SLC39A10: variants seen among roughly 807,000 people sequenced by gnomAD.
SLC39A10 encodes solute carrier family 39 member 10.
A neutral mutation model predicts 65.1 loss-of-function variants in SLC39A10; 13 were observed. The observed-to-expected ratio is 0.20, with a 90% CI of 0.13 to 0.32. The LOEUF is 0.32. Ranked by LOEUF, SLC39A10 falls within the 10% of genes least tolerant of loss-of-function variation. The pLI is 1.00. For synonymous variants in SLC39A10, 321 were observed against 342.2 expected, an observed-to-expected ratio of 0.94 and a Z score of 0.68; for missense variants, 831 against 1,018.4, an observed-to-expected ratio of 0.82 and a Z score of 2.50.
chr2:195,711,184 T>G (rs1691591323), intron 5 of SLC39A10, among the ~76,000 whole-genome samples: 1 of 152,232 alleles, frequency 6.6e-6, no homozygotes, highest in South Asian at 2.1e-4. Flanking sequence ...ATCTAAGATC[T>G]GAAATGCTCC....
intron 9 of SLC39A10, among the ~76,000 whole-genome samples, chr2:195,733,668 T>C (rs1437728349): frequency 2.0e-5 from 3 of 151,812 alleles, no homozygotes; most frequent in Non-Finnish European, 4.4e-5. Flanking sequence ...GTAGCTGGGA[T>C]TACAGGCATG....
rs1350735005 is a variant in SLC39A10, at chr2:195,683,591, G to A, written c.1009-108G>A. The A allele has an allele frequency of 6.2e-6, 5 of 810,172 alleles. No individual in the cohort carries two copies. In the African/African-American group the frequency reaches 7.0e-5, roughly 11 times the overall value. 50.2% of individuals were successfully genotyped at this position (810,172 alleles called of 1,614,324 possible). On this transcript the variant is annotated intron_variant, in intron 2 of 9. Transcript: ENST00000359634. ...TTGTAATAGATATCTATGTATTACA[G>A]ATTATTTGCAAGTAATATTTAGAGT...
intron 2 of SLC39A10, among the ~76,000 whole-genome samples, chr2:195,627,366 A>G (rs1204281038): frequency 6.6e-6 from 1 of 152,218 alleles, no homozygotes; most frequent in Non-Finnish European, 1.5e-5. Context: ...TTAAAATGGA[A>G]TAAGCTATGA....
At chr2:195,691,880 A>G (rs1690753662) in intron 3 of SLC39A10, among the ~76,000 whole-genome samples, 1 of 152,176 alleles carries the variant, frequency 6.6e-6, no homozygotes, top group Non-Finnish European at 1.5e-5. Context: ...ATTAAGTCCC[A>G]TCTGTTTATC....
At chr2:195,704,045 A>G (rs1388586877) in intron 3 of SLC39A10, among the ~76,000 whole-genome samples, 2 of 152,284 alleles carry the variant, frequency 1.3e-5, no homozygotes, top group South Asian at 2.1e-4. Context: ...TCTAATAACT[A>G]TGAAGGGTTA....
chr2:195,730,872 T>C (rs1303399566), intron 9 of SLC39A10, among the ~76,000 whole-genome samples: 1 of 152,202 alleles, frequency 6.6e-6, no homozygotes, highest in Admixed American at 6.5e-5. Flanking sequence ...TCAAAAAGCT[T>C]GAGTGTTGTC....
Position 195,639,763 on chromosome 2 carries a change from G to A in SLC39A10, c.-12+33530G>A, listed in dbSNP as rs1688767959. On this transcript the variant is annotated intron_variant, in intron 2 of 2. Transcript: ENST00000458054. The stretch of plus-strand genomic sequence containing the variant: ...GGCTAATTTTTGCATTTTTAATACA[G>A]ACGGGTTTCGCCATATTGCCCAAGC... 3.3e-5 allele frequency among the ~76,000 whole-genome samples: 5 copies of A among 152,044 alleles called. No homozygotes were observed. In the South Asian group the frequency reaches 1.0e-3, roughly 32 times the overall value.
rs779589615 is a variant in SLC39A10, at chr2:195,680,138, C to G, written c.96C>G (p.Gly32=). ...ATTGCCATGAAGAACATGACCATGG[C>G]CCTGAAGCGCTTCACAGACAGCATC... ...CNHCHEEHDH[G]PEALHRQHRG... The change falls in exon 2 of 10, where the codon GGC becomes GGG. Residue 32 remains glycine (G), a synonymous_variant. Coordinates refer to ENST00000359634, the MANE Select transcript of SLC39A10 (RefSeq NM_020342.3). 1.9e-6 allele frequency: 3 copies of G among 1,614,042 alleles called. No homozygotes were observed. Among genetic ancestry groups the G allele is most frequent in the East Asian group, 4.5e-5 (2 of 44,878 alleles).
At chr2:195,630,300 T>A (rs1252262176) in intron 2 of SLC39A10, among the ~76,000 whole-genome samples, 3 of 152,024 alleles carry the variant, frequency 2.0e-5, no homozygotes, top group Non-Finnish European at 4.4e-5. Flanking sequence ...CAGTGTAGCA[T>A]GTTTGTTGGT....
chr2:195,730,143 A>T (rs1045372069), intron 9 of SLC39A10, among the ~76,000 whole-genome samples: 1 of 151,690 alleles, frequency 6.6e-6, no homozygotes. Flanking sequence ...TTTTGAGCCA[A>T]ACCTAAGCAG....
chr2:195,639,835 G>A (rs1688769237), intron 2 of SLC39A10, among the ~76,000 whole-genome samples: 1 of 152,200 alleles, frequency 6.6e-6, no homozygotes, highest in Non-Finnish European at 1.5e-5. Context: ...AAAGCACTGG[G>A]ATTACAGGCA....
intron 1 of SLC39A10, chr2:195,658,484 A>T (rs1362404279): frequency 6.6e-6 from 1 of 152,192 alleles, no homozygotes; most frequent in Non-Finnish European, 1.5e-5. Flanking sequence ...AAGTCCTCTA[A>T]TTTTACATTG....
At chr2:195,706,531 C>T in intron 3 of SLC39A10, 85 bp from the exon 4 acceptor site, 1 of 1,305,500 alleles carries the variant, frequency 7.7e-7, no homozygotes, top group Middle Eastern at 2.6e-4. Context: ...TTCTACGATT[C>T]ATTTATCTTA....
intron 1 of SLC39A10, among the ~76,000 whole-genome samples, chr2:195,676,485 A>G (rs1260370060): frequency 1.3e-5 from 2 of 152,180 alleles, no homozygotes; most frequent in Middle Eastern, 3.2e-3. Flanking sequence ...TCCCAAAGAC[A>G]TAAAGACATT....
chr2:195,668,695 T>C (rs1194591597), intron 1 of SLC39A10, among the ~76,000 whole-genome samples: 3 of 152,204 alleles, frequency 2.0e-5, no homozygotes, highest in Non-Finnish European at 4.4e-5. Flanking sequence ...GTTTTTGTTG[T>C]TGTTGTTGTT....
rs867350202 is a variant in SLC39A10, at chr2:195,680,412, C to G, written c.370C>G (p.His124Asp). 1 of 1,614,096 alleles carries G rather than the reference C, an allele frequency of 6.2e-7. No individual in the cohort carries two copies. Among genetic ancestry groups the G allele is most frequent in the Non-Finnish European group, 8.5e-7 (1 of 1,180,026 alleles). The change falls in exon 2 of 10, where the codon CAC becomes GAC. Residue 124 changes from histidine (H) to aspartate (D), a missense_variant. By Grantham distance (81) the His-to-Asp change is moderately conservative. Coordinates refer to ENST00000359634, the MANE Select transcript of SLC39A10 (RefSeq NM_020342.3). ...ILAVQEGKHF[H>D]SHNHQHSHNH... ...GGCAGTTCAAGAGGGAAAGCATTTTCACTCACATAACCACCAGCATTCCCA... is the reference window on the plus strand; with the variant it reads ...GGCAGTTCAAGAGGGAAAGCATTTTGACTCACATAACCACCAGCATTCCCA...
chr2:195,657,340 G>T, intron 1 of SLC39A10, 59 bp downstream of exon 1: 8 of 972,476 alleles, frequency 8.2e-6, no homozygotes, highest in Non-Finnish European at 9.8e-6. Context: ...CCCGTGCGCG[G>T]CGGAGACTGC....
At chr2:195,681,344 G>C (rs996762159) in intron 2 of SLC39A10, among the ~76,000 whole-genome samples, 1 of 152,058 alleles carries the variant, frequency 6.6e-6, no homozygotes, top group Non-Finnish European at 1.5e-5. Flanking sequence ...GGCTAACATG[G>C]TGAAACCCCG....
rs148293866 is a variant in SLC39A10, at chr2:195,641,290, G to A, written c.-12+35057G>A. The stretch of plus-strand genomic sequence containing the variant: ...AGAGGGTGCAAGGGGAAGGGGTGCC[G>A]AGGAGATGAGGCACTTTAAGCAAGG... On this transcript the variant is annotated intron_variant, in intron 2 of 2. Transcript: ENST00000458054. Among the ~76,000 whole-genome samples the A allele has an allele frequency of 1.3e-3, 196 of 152,264 alleles. 4 individuals carry two copies. The highest frequency in any genetic ancestry group is 4.4e-3 in the African/African-American group (182 of 41,546).
Sources: allele counts gnomAD v4.1 joint callset (sites outside exome capture counted in the v4.1 genomes callset), GRCh38; gene constraint gnomAD v4.1.1; transcripts MANE v1.5; gene names NCBI Gene and HGNC (gene_info 2026-07-23, HGNC 2026-07-21).